PPIL1: variants seen among roughly 807,000 people sequenced by gnomAD.
PPIL1 encodes the protein peptidyl-prolyl cis-trans isomerase-like 1.
Under a neutral mutation model 19.4 loss-of-function variants are expected in PPIL1, and 14 were observed. That is an observed-to-expected ratio of 0.72 (90% confidence interval 0.48 to 1.13). The LOEUF is 1.13. Ranked by LOEUF, PPIL1 falls within the 50% of genes most tolerant of loss-of-function variation. The pLI, the probability that PPIL1 is intolerant of heterozygous loss-of-function variation, is 0.00. For synonymous variants in PPIL1, 72 were observed against 73.6 expected, an observed-to-expected ratio of 0.98 and a Z score of 0.11; for missense variants, 192 against 218.0, an observed-to-expected ratio of 0.88 and a Z score of 0.75.
At chr6:36,856,298 G>A (rs1774166793) in intron 3 of PPIL1, among the ~76,000 whole-genome samples, 1 of 152,210 alleles carries the variant, frequency 6.6e-6, no homozygotes, top group Admixed American at 6.5e-5. Context: ...GTTCCTGACT[G>A]CCCTCAAAAA....
intron 2 of PPIL1, among the ~76,000 whole-genome samples, chr6:36,867,895 G>A (rs1774426926): frequency 6.6e-6 from 1 of 152,214 alleles, no homozygotes; most frequent in Admixed American, 6.5e-5. Context: ...GAATGACAAG[G>A]AGACTCCACT....
chr6:36,864,331 C>T (rs1337441900), intron 2 of PPIL1, among the ~76,000 whole-genome samples: 1 of 152,134 alleles, frequency 6.6e-6, no homozygotes, highest in Non-Finnish European at 1.5e-5. Context: ...GGGCACTCTG[C>T]TACTCTCTGA....
rs2071823 is a variant in PPIL1 at position 36,856,623 on chromosome 6, C to T, written c.243G>A (p.Gln81=). 391,645 of 1,612,782 alleles carry T rather than the reference C, an allele frequency of 0.24. 50,256 individuals carry two copies. The highest frequency in any genetic ancestry group is 0.32 in the East Asian group (14,153 of 44,846). Residue 81 remains glutamine, a synonymous_variant, in exon 3 of 4, where the codon CAG becomes CAA. Transcript: ENST00000373699. The stretch of plus-strand genomic sequence containing the variant: ...AGTCTGGATGAAGTTCATCTTCAAA[C>T]TGTTTGCCATAGATAGATGCACCAC... The part of the protein sequence containing the change: ...GRGGASIYGK[Q]FEDELHPDLK...
intron 2 of PPIL1, among the ~76,000 whole-genome samples, chr6:36,864,818 T>C (rs1379631810): frequency 1.3e-5 from 2 of 152,196 alleles, no homozygotes; most frequent in Admixed American, 1.3e-4. Context: ...TTCCATATCA[T>C]CTGCCATCCC....
intron 2 of PPIL1, among the ~76,000 whole-genome samples, chr6:36,867,463 G>C (rs188008056): frequency 3.0e-4 from 45 of 152,382 alleles, no homozygotes; most frequent in African/African-American, 9.6e-4. Context: ...AACCAGGAAA[G>C]AAATGTCATG....
At chr6:36,861,685 T>G (rs866935165) in intron 2 of PPIL1, among the ~76,000 whole-genome samples, 9 of 151,642 alleles carry the variant, frequency 5.9e-5, no homozygotes, top group African/African-American at 1.9e-4. Context: ...TCTGTGTTTT[T>G]TTTTTTTTTT....
chr6:36,857,626 T>G (rs1239724720), intron 2 of PPIL1, among the ~76,000 whole-genome samples: 2 of 151,640 alleles, frequency 1.3e-5, no homozygotes, highest in Non-Finnish European at 2.9e-5. Context: ...ACAAAAAAAT[T>G]TTAAAATTCA....
At chr6:36,856,798 A>G in intron 2 of PPIL1, 144 bp from the exon 3 acceptor site, 1 of 652,382 alleles carries the variant, frequency 1.5e-6, no homozygotes, top group South Asian at 1.8e-5. Context: ...GTATATTGCA[A>G]CTACAGAATC....
rs749989148 is a variant in PPIL1 at position 36,856,587 on chromosome 6, C to A, written c.279G>T (p.Thr93=). Residue 93 remains threonine (T), a splice_region_variant and synonymous_variant, in exon 3 of 4, where the codon ACG becomes ACT. Coordinates refer to ENST00000373699, the MANE Select transcript of PPIL1 (RefSeq NM_016059.5). ...EDELHPDLKF[T]GAGILAMANA... is the part of the protein sequence containing the mutation. Reference sequence around the variant, plus strand: ...AGTCCAGCCAAATTATACACTTACCCGTGAATTTCAAGTCTGGATGAAGTT... The same window carrying A: ...AGTCCAGCCAAATTATACACTTACCAGTGAATTTCAAGTCTGGATGAAGTT... 6.2e-7 allele frequency: 1 copy of A among 1,613,730 alleles called. No homozygotes were observed. Among genetic ancestry groups the A allele is most frequent in the Non-Finnish European group, 8.5e-7 (1 of 1,179,628 alleles).
chr6:36,857,075 C>T (rs932072654), intron 2 of PPIL1, among the ~76,000 whole-genome samples: 2 of 152,092 alleles, frequency 1.3e-5, no homozygotes. Context: ...AAGTCCTATC[C>T]CTGTGCCCAT....
rs756320549 is a variant in PPIL1, at chr6:36,871,708, T to C, written c.211+10A>G. The C allele has an allele frequency of 6.3e-7, 1 of 1,585,630 alleles. No individual in the cohort carries two copies. The highest frequency in any genetic ancestry group is 1.9e-5 in the Admixed American group (1 of 51,772). On this transcript the variant is annotated intron_variant, in intron 2 of 3. Transcript: ENST00000373699. ...AAAGAAAACATAAACTAATGTTGGC[T>C]TAACTGTACCTGTCCCTGTTGGGTC...
At chr6:36,859,846 T>C (rs1236804459) in intron 2 of PPIL1, among the ~76,000 whole-genome samples, 1 of 149,080 alleles carries the variant, frequency 6.7e-6, no homozygotes, top group East Asian at 2.0e-4. Flanking sequence ...TGTGTGTGTT[T>C]TGAGACAGAA....
At chr6:36,867,694 G>C (rs1774422318) in intron 2 of PPIL1, among the ~76,000 whole-genome samples, 1 of 152,244 alleles carries the variant, frequency 6.6e-6, no homozygotes, top group South Asian at 2.1e-4. Context: ...CTGGCTGGTG[G>C]AGGGGGCTCT....
At chr6:36,859,800 C>T (rs1583107524) in intron 2 of PPIL1, among the ~76,000 whole-genome samples, 1 of 123,342 alleles carries the variant, frequency 8.1e-6, no homozygotes, top group East Asian at 2.6e-4. Flanking sequence ...GATAGGCAGA[C>T]CTGTTTTCTA....
chr6:36,869,732 T>G lies in PPIL1; in HGVS notation c.211+1986A>C, dbSNP rs569996362. 7.9e-5 allele frequency among the ~76,000 whole-genome samples: 12 copies of G among 152,186 alleles called. No homozygotes were observed. In the South Asian group the frequency reaches 2.5e-3, roughly 32 times the overall value. On this transcript the variant is annotated intron_variant, in intron 2 of 3. Transcript: ENST00000373699. ...AGTGCAGAACAGATAATAATAAAAC[T>G]AACAACAAAAATTAAGGTCGGGGAA...
chr6:36,865,517 C>A (rs77569063), intron 2 of PPIL1, among the ~76,000 whole-genome samples: 2 of 152,138 alleles, frequency 1.3e-5, no homozygotes, highest in African/African-American at 4.8e-5. Context: ...CCGGGGGTGG[C>A]GGGCTCCCTC....
At chr6:36,867,124 C>T (rs903052670) in intron 2 of PPIL1, among the ~76,000 whole-genome samples, 4 of 152,174 alleles carry the variant, frequency 2.6e-5, no homozygotes, top group Admixed American at 1.3e-4. Context: ...TTTCACAGGA[C>T]GAGCCAGGGG....
chr6:36,874,566 T>C (rs1477278368), intron 1 of PPIL1, 151 bp downstream of exon 1: 5 of 1,081,592 alleles, frequency 4.6e-6, no homozygotes, highest in East Asian at 2.6e-5. Flanking sequence ...GGCGGTCCCC[T>C]CTCAACCCTC....
intron 2 of PPIL1, among the ~76,000 whole-genome samples, chr6:36,861,875 T>C (rs1342034219): frequency 6.6e-6 from 1 of 152,090 alleles, no homozygotes; most frequent in Non-Finnish European, 1.5e-5. Flanking sequence ...TTTGTATTTT[T>C]AGTAGAGACG....
Sources: gnomAD v4.1 joint callset for allele counts (sites outside exome capture counted in the v4.1 genomes callset) on GRCh38, gnomAD v4.1.1 for gene constraint, MANE v1.5 for transcripts, NCBI Gene and HGNC (gene_info 2026-07-23, HGNC 2026-07-21) for gene names.